The following RGS12 variants were observed in gnomAD, a reference collection of about 807,000 sequenced individuals.
The protein encoded by RGS12 is regulator of G protein signaling 12, also known as regulator of G-protein signaling 12.
Under a neutral mutation model 120.1 loss-of-function variants are expected in RGS12, and 66 were observed. The observed-to-expected ratio is 0.55, with a 90% CI of 0.45 to 0.67. RGS12 has a LOEUF of 0.67. RGS12 is among the 30% of genes least tolerant of loss of function. The pLI, the probability that RGS12 is intolerant of heterozygous loss-of-function variation, is 0.00. For synonymous variants in RGS12, 827 were observed against 804.7 expected (o/e 1.03, Z -0.47); for missense variants, 1,859 against 1,957.7 (o/e 0.95, Z 0.95).
intron 3 of RGS12, chr4:3,385,800 G>C (rs538301809): frequency 1.3e-5 from 2 of 153,442 alleles, no homozygotes; most frequent in East Asian, 3.8e-4. Context: ...GCTGGTGGCC[G>C]CTCTTGCACT....
intron 11 of RGS12, 136 bp from the exon 12 acceptor site, chr4:3,422,769 G>T: frequency 1.0e-6 from 1 of 986,962 alleles, no homozygotes. Context: ...GTGTGGAAAG[G>T]GTGATCGCTT....
At chr4:3,379,106 A>C (rs1718004452) in intron 3 of RGS12, among the ~76,000 whole-genome samples, 1 of 152,098 alleles carries the variant, frequency 6.6e-6, no homozygotes, top group Non-Finnish European at 1.5e-5. Flanking sequence ...ATTTGCAACA[A>C]CATGGATGAA....
chr4:3,309,443 G>T (rs1424965756), intron 1 of RGS12, among the ~76,000 whole-genome samples: 1 of 139,188 alleles, frequency 7.2e-6, no homozygotes, highest in Non-Finnish European at 1.5e-5. Flanking sequence ...GGGAGGAGCT[G>T]GGACCCAGGA....
chr4:3,374,206 C>T lies in RGS12; in HGVS notation c.1999-12210C>T, dbSNP rs1165609416. Among the ~76,000 whole-genome samples, 1 of 152,258 alleles carries T rather than the reference C, an allele frequency of 6.6e-6. No individual in the cohort carries two copies. Among genetic ancestry groups the T allele is most frequent in the African/African-American group, 2.4e-5 (1 of 41,470 alleles). ...GCCATCCTACGCATGATGCAGGGAC[C>T]CCGGCCCTCCGCAGACAGCAGGAGC... is the stretch of plus-strand genomic sequence containing the variant. On this transcript the variant is annotated intron_variant, in intron 3 of 17. Coordinates refer to ENST00000336727, the MANE Select transcript of RGS12 (RefSeq NM_001394154.1). The surrounding 1 kb of genome is among the most constrained non-coding windows in gnomAD (Gnocchi z 6.3).
chr4:3,310,226 G>C (rs59593517), intron 1 of RGS12, among the ~76,000 whole-genome samples: 195 of 26,404 alleles, frequency 7.4e-3, no homozygotes, highest in South Asian at 9.7e-3. Context: ...GGAACCGTGT[G>C]GGGGAGGAGC....
intron 2 of RGS12, among the ~76,000 whole-genome samples, chr4:3,336,653 A>G (rs1284545627): frequency 6.6e-6 from 1 of 152,254 alleles, no homozygotes; most frequent in East Asian, 1.9e-4. Flanking sequence ...GTGTTTATTT[A>G]GACCGAATTG....
At chr4:3,427,903 G>A (rs528180833) in intron 14 of RGS12, among the ~76,000 whole-genome samples, 187 bp from the exon 15 acceptor site, 38 of 152,314 alleles carry the variant, frequency 2.5e-4, no homozygotes, top group African/African-American at 8.2e-4. Context: ...GGCTGTGTGC[G>A]TGGAGGACGG....
intron 1 of RGS12, among the ~76,000 whole-genome samples, chr4:3,304,848 C>T (rs1281050604): frequency 1.3e-5 from 2 of 152,238 alleles, no homozygotes; most frequent in Non-Finnish European, 2.9e-5. Context: ...TCACGTGGCA[C>T]GTTGGTTCGC....
intron 3 of RGS12, among the ~76,000 whole-genome samples, chr4:3,369,465 T>G (rs1039499749): frequency 6.6e-6 from 1 of 152,130 alleles, no homozygotes; most frequent in South Asian, 2.1e-4. Context: ...CCTGTGGGCA[T>G]TGAGTTTGCA....
intron 3 of RGS12, among the ~76,000 whole-genome samples, chr4:3,384,776 G>A (rs1323365974): frequency 6.6e-6 from 1 of 152,232 alleles, no homozygotes; most frequent in Non-Finnish European, 1.5e-5. Flanking sequence ...CCTGTCAGGG[G>A]GCTTACTTTG....
At chr4:3,361,949 G>A (rs1715604371) in intron 3 of RGS12, among the ~76,000 whole-genome samples, 1 of 152,196 alleles carries the variant, frequency 6.6e-6, no homozygotes, top group Non-Finnish European at 1.5e-5. Flanking sequence ...GAGGCTTGCA[G>A]GGAACAATGC....
chr4:3,357,664 A>T (rs921132692), intron 3 of RGS12, among the ~76,000 whole-genome samples: 2 of 152,136 alleles, frequency 1.3e-5, no homozygotes, highest in South Asian at 4.1e-4. Context: ...GTCAAAAATG[A>T]TTTGACTATT....
At chr4:3,295,002 G>T (rs191693550) in intron 1 of RGS12, among the ~76,000 whole-genome samples, 133 of 152,236 alleles carry the variant, frequency 8.7e-4, no homozygotes, top group African/African-American at 3.1e-3. Context: ...GGAGGCACTC[G>T]ACAGGCACTG....
At chr4:3,381,554 A>C (rs1718257777) in intron 3 of RGS12, among the ~76,000 whole-genome samples, 2 of 152,214 alleles carry the variant, frequency 1.3e-5, no homozygotes, top group Non-Finnish European at 2.9e-5. Flanking sequence ...GAAAGCAAAC[A>C]CGTCCTTCTT....
chr4:3,390,896 A>G lies in RGS12; in HGVS notation c.2020+4459A>G, dbSNP rs1055627313. Among the ~76,000 whole-genome samples the G allele has an allele frequency of 1.3e-5, 2 of 152,242 alleles. No individual in the cohort carries two copies. The highest frequency in any genetic ancestry group is 6.5e-5 in the Admixed American group (1 of 15,290). On this transcript the variant is annotated intron_variant, in intron 4 of 17. Transcript: ENST00000336727. This position sits in a 1 kb window ranked among gnomAD's most constrained non-coding sequence, Gnocchi z 4.6. Reference sequence around the variant, plus strand: ...TTTAAAATATAAAGTATAATTGTTGATATTTTTGGCAAATGCCAAAATTTG... The same window carrying G: ...TTTAAAATATAAAGTATAATTGTTGGTATTTTTGGCAAATGCCAAAATTTG...
Position 3,317,285 on chromosome 4 carries a change from G to T in RGS12, c.1115G>T (p.Cys372Phe). 1.9e-6 allele frequency: 3 copies of T among 1,614,182 alleles called. No homozygotes were observed. Among genetic ancestry groups the T allele is most frequent in the Non-Finnish European group, 1.7e-6 (2 of 1,180,050 alleles). The change falls in exon 2 of 18, where the codon TGT becomes TTT. Residue 372 changes from cysteine (C) to phenylalanine (F), a missense_variant. By Grantham distance (205) the Cys-to-Phe change is radical. Around this residue, in one of 3 missense-constraint regions of RGS12, gnomAD observed 967 missense variants for 994.2 expected, o/e 0.97. Coordinates refer to ENST00000336727, the MANE Select transcript of RGS12 (RefSeq NM_001394154.1). ...ECTADPDTNG[C>F]LEFPASSLPV... is the part of the protein sequence containing the mutation. ...ACGGCCGACCCAGACACCAATGGCT[G>T]TCTGGAATTCCCGGCGTCCTCCCTC...
chr4:3,384,315 C>T (rs1033229241), intron 3 of RGS12, among the ~76,000 whole-genome samples: 13 of 151,856 alleles, frequency 8.6e-5, no homozygotes, highest in Admixed American at 4.6e-4. Context: ...CTTCCACGCT[C>T]GGCTAATTTT....
rs533829207 is a variant in RGS12 at position 3,399,906 on chromosome 4, G to A, written c.2020+13469G>A. ...CCTCCAGGAGCCAGGCTATTGGAGC[G>A]CTTCCTAAATGGGGCACTGCAGGCC... On this transcript the variant is annotated intron_variant, in intron 4 of 17. Transcript: ENST00000336727. Among the ~76,000 whole-genome samples the A allele has an allele frequency of 9.2e-5, 14 of 152,342 alleles. 1 individual carries two copies. The East Asian group carries it at 1.7e-3, about 19-fold the overall frequency.
chr4:3,397,873 A>T (rs1031340650), intron 4 of RGS12, among the ~76,000 whole-genome samples: 1 of 152,230 alleles, frequency 6.6e-6, no homozygotes, highest in African/African-American at 2.4e-5. Context: ...ATGGGAAACC[A>T]GAAGATGCTG....
Sources: allele counts gnomAD v4.1 joint callset (sites outside exome capture counted in the v4.1 genomes callset), GRCh38; gene constraint gnomAD v4.1.1; regional missense constraint gnomAD v4.1.1; non-coding constraint Gnocchi (gnomAD v3.1); transcripts MANE v1.5; gene names NCBI Gene and HGNC (gene_info 2026-07-23, HGNC 2026-07-21).